The following CEP83 variants were observed in gnomAD, a reference collection of about 807,000 sequenced individuals.
CEP83 encodes the protein centrosomal protein of 83 kDa.
A neutral mutation model predicts 101.9 loss-of-function variants in CEP83; 70 were observed. The ratio of observed to expected loss-of-function variants is 0.69; its 90% confidence interval spans 0.57 to 0.84. The LOEUF (loss-of-function observed/expected upper bound fraction) is 0.84. CEP83 is among the 40% of genes least tolerant of loss of function. The pLI is 0.00. For missense variants in CEP83, 715 were observed against 787.2 expected (o/e 0.91, Z 1.10); for synonymous variants, 264 against 267.9 (o/e 0.99, Z 0.14).
At chr12:94,282,183 C>T in the CEP83 span, 1 of 711,430 alleles carries the variant, frequency 1.4e-6, no homozygotes, top group Non-Finnish European at 2.5e-6. Flanking sequence ...TGCATCTCTA[C>T]ACCTTCAAAC....
At chr12:94,373,651 C>A (rs539252883) in intron 8 of CEP83, among the ~76,000 whole-genome samples, 1 of 152,316 alleles carries the variant, frequency 6.6e-6, no homozygotes, top group African/African-American at 2.4e-5. Context: ...ATTTACCTCA[C>A]TGAATGTGAA....
chr12:94,280,486 T>C, the CEP83 span, among the ~76,000 whole-genome samples: 1 of 152,202 alleles, frequency 6.6e-6, no homozygotes, highest in Non-Finnish European at 1.5e-5. Flanking sequence ...AGGCCATTGA[T>C]AAAGCCTTGA....
At chr12:94,291,392 T>TTTTGTTTG in the CEP83 span, among the ~76,000 whole-genome samples, 1 of 152,072 alleles carries the variant, frequency 6.6e-6, no homozygotes, top group South Asian at 2.1e-4. Flanking sequence ...CTCAGCGCTT[T>TTTTGTTTG]TTTGTTTGTT....
intron 2 of CEP83, chr12:94,424,262 C>A (rs535719463): frequency 1.2e-6 from 2 of 1,614,046 alleles, no homozygotes; most frequent in African/African-American, 2.7e-5. Flanking sequence ...TGGCCAAGCC[C>A]GTCCATTTTG....
At chr12:94,330,288 A>G (rs2059147205) in intron 14 of CEP83, among the ~76,000 whole-genome samples, 1 of 152,154 alleles carries the variant, frequency 6.6e-6, no homozygotes, top group South Asian at 2.1e-4. Context: ...ACACACACAC[A>G]CACACACTTT....
intron 1 of CEP83, among the ~76,000 whole-genome samples, chr12:94,442,139 T>C (rs534965662): frequency 2.7e-5 from 4 of 150,444 alleles, no homozygotes; most frequent in African/African-American, 7.3e-5. Context: ...ATATATATAA[T>C]GCAATACTAC....
the CEP83 span, chr12:94,280,279 T>C: frequency 6.0e-6 from 1 of 167,772 alleles, no homozygotes; most frequent in Non-Finnish European, 1.3e-5. Flanking sequence ...ATTTTAAAGT[T>C]GAGCTCCGTG....
At chr12:94,300,245 G>T in the CEP83 span, among the ~76,000 whole-genome samples, 2 of 152,184 alleles carry the variant, frequency 1.3e-5, no homozygotes, top group African/African-American at 2.4e-5. Context: ...AAGTAGGAAA[G>T]GAGGCTAGTA....
chr12:94,434,741 T>A (rs1363329654), intron 2 of CEP83, among the ~76,000 whole-genome samples: 1 of 152,240 alleles, frequency 6.6e-6, no homozygotes, highest in Admixed American at 6.5e-5. Context: ...AGTCTAAACA[T>A]AAAATTCATT....
intron 14 of CEP83, among the ~76,000 whole-genome samples, chr12:94,325,870 T>C (rs1479954221): frequency 6.6e-6 from 1 of 152,186 alleles, no homozygotes; most frequent in Non-Finnish European, 1.5e-5. Flanking sequence ...AGAAATATAT[T>C]TGGTCTTTGT....
chr12:94,330,979 T>C (rs1012495382), intron 14 of CEP83, among the ~76,000 whole-genome samples: 2 of 152,140 alleles, frequency 1.3e-5, no homozygotes, highest in South Asian at 4.1e-4. Flanking sequence ...GATTCAACTA[T>C]ATACTTTATT....
intron 11 of CEP83, among the ~76,000 whole-genome samples, chr12:94,345,395 G>C (rs1487210962): frequency 6.6e-6 from 1 of 152,042 alleles, no homozygotes; most frequent in South Asian, 2.1e-4. Flanking sequence ...ATGTATCTTT[G>C]TTACCGTATT....
chr12:94,265,843 C>T, the CEP83 span, among the ~76,000 whole-genome samples: 26 of 152,216 alleles, frequency 1.7e-4, no homozygotes, highest in Admixed American at 5.9e-4. Context: ...TAATTCATCC[C>T]CACCGCACCC....
chr12:94,370,104 A>G (rs1566007774), intron 8 of CEP83, 68 bp from the exon 9 acceptor site: 3 of 875,464 alleles, frequency 3.4e-6, no homozygotes, highest in South Asian at 1.5e-5. Context: ...ACCCCAAAAC[A>G]TAAGTGGAAA....
At chr12:94,419,505 T>A (rs2064553158) in intron 2 of CEP83, among the ~76,000 whole-genome samples, 1 of 152,098 alleles carries the variant, frequency 6.6e-6, no homozygotes, top group African/African-American at 2.4e-5. Context: ...ACATGCTGAT[T>A]CAAAAATTTA....
chr12:94,300,144 A>G, the CEP83 span, among the ~76,000 whole-genome samples: 1 of 152,230 alleles, frequency 6.6e-6, no homozygotes, highest in South Asian at 2.1e-4. Context: ...AAAACAGATG[A>G]AAGTCCAGGT....
chr12:94,310,152 T>C (rs964296867), intron 15 of CEP83, 45 bp from the exon 16 acceptor site: 3 of 933,690 alleles, frequency 3.2e-6, no homozygotes, highest in African/African-American at 3.3e-5. Flanking sequence ...TTATACCCTA[T>C]TGAAGCACAG....
chr12:94,282,349 C>T, the CEP83 span: 3 of 1,614,104 alleles, frequency 1.9e-6, no homozygotes, highest in Non-Finnish European at 2.5e-6. Context: ...GACAGTTCCT[C>T]CGTGATTCTT....
At chr12:94,307,456 T>C (rs114453981), downstream of CEP83, 43 of 152,324 alleles carry the variant, frequency 2.8e-4, 1 homozygote, top group African/African-American at 9.9e-4. Flanking sequence ...GCAAACAATT[T>C]CTATTTTCAA....
Sources: allele counts gnomAD v4.1 joint callset (sites outside exome capture counted in the v4.1 genomes callset), GRCh38; gene constraint gnomAD v4.1.1; transcripts MANE v1.5; gene names NCBI Gene and HGNC (gene_info 2026-07-23, HGNC 2026-07-21).